TMEM150A: variants seen among roughly 807,000 people sequenced by gnomAD.
TMEM150A encodes fasting-inducible integral membrane protein TM6P1.
In TMEM150A, 18 loss-of-function variants were observed where a neutral mutation model predicts 29.8. The observed-to-expected ratio is 0.60, with a 90% CI of 0.42 to 0.90. The LOEUF (loss-of-function observed/expected upper bound fraction) is 0.90. TMEM150A is among the 40% of genes least tolerant of loss of function. TMEM150A has a pLI of 0.00. For missense variants in TMEM150A, 251 were observed against 349.7 expected (o/e 0.72, Z 2.25); for synonymous variants, 127 against 143.6 (o/e 0.88, Z 0.83).
chr2:85,600,442 G>A (rs750872354), intron 4 of TMEM150A, 30 bp from the exon 5 acceptor site: 12 of 1,608,328 alleles, frequency 7.5e-6, no homozygotes, highest in South Asian at 4.4e-5. Flanking sequence ...CAGAGTAAGA[G>A]GGGTGCAGGA....
rs746391167 is a variant in TMEM150A at position 85,599,747 on chromosome 2, C to A, written c.397-45G>T. On this transcript the variant is annotated intron_variant, in intron 6 of 7. Coordinates refer to ENST00000334462, the MANE Select transcript of TMEM150A (RefSeq NM_001031738.3). The surrounding 1 kb of genome is among the most constrained non-coding windows in gnomAD (Gnocchi z 6.0). The stretch of plus-strand genomic sequence containing the variant: ...AGTTGGTGATGTGGCCATGGCCCCA[C>A]CTCTCCACCCCTCCTTCAATGAATC... The A allele has an allele frequency of 4.4e-6, 7 of 1,594,504 alleles. No individual in the cohort carries two copies. In the Admixed American group the frequency reaches 1.2e-4, roughly 27 times the overall value.
Position 85,601,327 on chromosome 2 carries a change from G to A in TMEM150A, c.113+108C>T. ...ATGCCTGGGGACCAATTTCAGAGAA[G>A]AGCAGTGAGGCTCAGGGTTGCAGTC... On this transcript the variant is annotated intron_variant, in intron 3 of 7. Coordinates refer to ENST00000334462, the MANE Select transcript of TMEM150A (RefSeq NM_001031738.3). The surrounding 1 kb of genome is among the most constrained non-coding windows in gnomAD (Gnocchi z 4.0). 7.1e-7 allele frequency: 1 copy of A among 1,411,486 alleles called. No homozygotes were observed. Among genetic ancestry groups the A allele is most frequent in the South Asian group, 1.2e-5 (1 of 86,662 alleles). 87.4% of individuals were successfully genotyped at this position (1,411,486 alleles called of 1,614,324 possible). A position where few individuals can be genotyped will look rare whatever the true frequency, so the allele number is the denominator to read the frequency against.
Position 85,601,949 on chromosome 2 carries a change from G to A in TMEM150A, c.-1C>T, listed in dbSNP as rs773635666. 2 of 1,614,066 alleles carry A rather than the reference G, an allele frequency of 1.2e-6. No individual in the cohort carries two copies. The highest frequency in any genetic ancestry group is 3.3e-5 in the Admixed American group (2 of 60,024). ...CAGGCAGGAGGATCCAGGCGGTCAT[G>A]AGGGAGGGGAGCCAGGGTGGTGGTG... is the stretch of plus-strand genomic sequence containing the variant. On this transcript the variant is annotated 5_prime_UTR_variant, in exon 2 of 8. Coordinates refer to ENST00000334462, the MANE Select transcript of TMEM150A (RefSeq NM_001031738.3). This position sits in a 1 kb window ranked among gnomAD's most constrained non-coding sequence, Gnocchi z 4.0.
Position 85,599,888 on chromosome 2 carries a change from C to G in TMEM150A, c.396+3G>C, listed in dbSNP as rs1460742318. 4 of 1,613,132 alleles carry G rather than the reference C, an allele frequency of 2.5e-6. No homozygotes were observed. The highest frequency in any genetic ancestry group is 3.4e-6 in the Non-Finnish European group (4 of 1,180,032). ...AAGGTTTGCAGGGGAGAAGGGGAAGCACCTGAAAGTTGCCAACCACCAAGA... is the reference window on the plus strand; with the variant it reads ...AAGGTTTGCAGGGGAGAAGGGGAAGGACCTGAAAGTTGCCAACCACCAAGA... On this transcript the variant is annotated splice_donor_region_variant and intron_variant, in intron 6 of 7. Coordinates refer to ENST00000334462, the MANE Select transcript of TMEM150A (RefSeq NM_001031738.3). The surrounding 1 kb of genome is among the most constrained non-coding windows in gnomAD (Gnocchi z 6.0).
At position 85,602,194 on chromosome 2, in the gene TMEM150A, G is replaced by C. The variant is rs1673010522; in HGVS notation, c.-116-130C>G. ...CAAAGTTTGGGCTGAGCCCACGGCA[G>C]AACGTGAACACCCTCTGGCACTGGG... On this transcript the variant is annotated intron_variant, in intron 1 of 7. Coordinates refer to ENST00000334462, the MANE Select transcript of TMEM150A (RefSeq NM_001031738.3). This position sits in a 1 kb window ranked among gnomAD's most constrained non-coding sequence, Gnocchi z 5.6. 2.1e-6 allele frequency: 1 copy of C among 481,492 alleles called. No homozygotes were observed. The highest frequency in any genetic ancestry group is 3.8e-6 in the Non-Finnish European group (1 of 261,206). The allele number at this position is 481,492 out of a possible 1,614,324, so 29.8% of individuals were successfully genotyped here. A position where few individuals can be genotyped will look rare whatever the true frequency, so the allele number is the denominator to read the frequency against.
rs1672974943 is a variant in TMEM150A at position 85,601,712 on chromosome 2, T to TGTA, written c.65+171_65+172insTAC. Reference sequence around the variant, plus strand: ...AGAAGTATATTTGTCAGGGCCACCCTGCTGGACAGCAGTGGTGCCAGCTTG... The same window carrying TGTA: ...AGAAGTATATTTGTCAGGGCCACCCTGTAGCTGGACAGCAGTGGTGCCAGCTTG... On this transcript the variant is annotated intron_variant, in intron 2 of 7. Coordinates refer to ENST00000334462, the MANE Select transcript of TMEM150A (RefSeq NM_001031738.3). The surrounding 1 kb of genome is among the most constrained non-coding windows in gnomAD (Gnocchi z 4.0). The TGTA allele has an allele frequency of 1.1e-6, 1 of 907,000 alleles. No homozygotes were observed. Among genetic ancestry groups the TGTA allele is most frequent in the African/African-American group, 1.7e-5 (1 of 60,194 alleles). 56.2% of individuals were successfully genotyped at this position (907,000 alleles called of 1,614,324 possible).
At chr2:85,600,461 G>A (rs1672871489) in intron 4 of TMEM150A, 49 bp from the exon 5 acceptor site, 2 of 1,512,304 alleles carry the variant, frequency 1.3e-6, no homozygotes, top group Non-Finnish European at 1.8e-6. Context: ...GAGGCCCGGG[G>A]GGCCCCCATT....
In TMEM150A at chr2:85,599,085, A is replaced by T; in HGVS notation, c.807T>A (p.Ala269=). ...THLNCAPESI[A]MI ...CCACCCTCCCCAGACCTTAGATCAT[A>T]GCGATGCTCTCGGGGGCACAGTTGA... The change falls in exon 8 of 8, where the codon GCT becomes GCA. Residue 269 remains alanine (A), a synonymous_variant. Transcript: ENST00000334462. The surrounding 1 kb of genome is among the most constrained non-coding windows in gnomAD (Gnocchi z 6.0). 1 of 1,613,404 alleles carries T rather than the reference A, an allele frequency of 6.2e-7. No homozygotes were observed. Among genetic ancestry groups the T allele is most frequent in the Non-Finnish European group, 8.5e-7 (1 of 1,179,932 alleles).
Position 85,599,223 on chromosome 2 carries a change from G to A in TMEM150A, c.669C>T (p.Gly223=), listed in dbSNP as rs772165773. 1.2e-5 allele frequency: 20 copies of A among 1,613,872 alleles called. No individual in the cohort carries two copies. In the East Asian group the frequency reaches 4.2e-4, roughly 34 times the overall value. The stretch of plus-strand genomic sequence containing the variant: ...CTGCCCCAAACTCGTAGCTGAAGGT[G>A]CCATAGAAAATGAGGATATCGATGA... ...VCVIDILIFY[G]TFSYEFGAVS... Residue 223 remains glycine, a synonymous_variant, in exon 8 of 8, where the codon GGC becomes GGT. Transcript: ENST00000334462. The surrounding 1 kb of genome is among the most constrained non-coding windows in gnomAD (Gnocchi z 6.0).
Position 85,599,789 on chromosome 2 carries a change from C to T in TMEM150A, c.397-87G>A. ...CAATGAATCTCCTCTCTCCCTCTTC[C>T]TTCCTCTCCCTCTTTCCAGCCCCAA... On this transcript the variant is annotated intron_variant, in intron 6 of 7. Transcript: ENST00000334462. This position sits in a 1 kb window ranked among gnomAD's most constrained non-coding sequence, Gnocchi z 6.0. 1 of 1,599,642 alleles carries T rather than the reference C, an allele frequency of 6.3e-7. No homozygotes were observed. Among genetic ancestry groups the T allele is most frequent in the Non-Finnish European group, 8.5e-7 (1 of 1,171,924 alleles).
rs2104092073 is a variant in TMEM150A at position 85,600,409 on chromosome 2, C to T, written c.204G>A (p.Lys68=). The T allele has an allele frequency of 1.2e-6, 2 of 1,613,990 alleles. No homozygotes were observed. Among genetic ancestry groups the T allele is most frequent in the South Asian group, 1.1e-5 (1 of 91,080 alleles). ...AGCTTTCTGGGGGATAGGAGCCACACTTGCTGCGAGGAGGGGGAAGGACAG... is the reference window on the plus strand; with the variant it reads ...AGCTTTCTGGGGGATAGGAGCCACATTTGCTGCGAGGAGGGGGAAGGACAG... The part of the protein sequence containing the change: ...CTLDDVPLIS[K]CGSYPPESCL... Residue 68 remains lysine, a synonymous_variant, in exon 5 of 8, where the codon AAG becomes AAA. Transcript: ENST00000334462.
chr2:85,600,674 T>C (rs1250209943), intron 4 of TMEM150A: 1 of 553,096 alleles, frequency 1.8e-6, no homozygotes, highest in African/African-American at 1.9e-5. Context: ...TGCGGCTGGT[T>C]TGGCTATCCT....
rs771685048 is a variant in TMEM150A, at chr2:85,599,997, C to T, written c.290G>A (p.Arg97His). ...AFMVALICLL[R>H]YGQLLEQSRH... ...ACTCTGCTCCAGGAGCTGCCCGTAG[C>T]GCAGGAGGCAGATCAGGGCCACTGG... is the stretch of plus-strand genomic sequence containing the variant. Residue 97 changes from arginine (R) to histidine (H), a missense_variant, in exon 6 of 8, where the codon CGC (arginine) becomes CAC (histidine). By Grantham distance (29) the Arg-to-His change is conservative (BLOSUM62 0). Transcript: ENST00000334462. The surrounding 1 kb of genome is among the most constrained non-coding windows in gnomAD (Gnocchi z 6.0). The T allele has an allele frequency of 6.2e-6, 10 of 1,612,874 alleles. No homozygotes were observed. Among genetic ancestry groups the T allele is most frequent in the South Asian group, 1.1e-5 (1 of 91,014 alleles).
intron 5 of TMEM150A, 85 bp from the exon 6 acceptor site, chr2:85,600,103 G>T: frequency 6.4e-7 from 1 of 1,553,930 alleles, no homozygotes; most frequent in Non-Finnish European, 8.7e-7. Context: ...ACGCTGTGGT[G>T]CTCCTGCCCC....
In TMEM150A at chr2:85,600,417, G is replaced by A. The variant is rs1268569225; in HGVS notation, c.201-5C>T. ...GGGGGATAGGAGCCACACTTGCTGC[G>A]AGGAGGGGGAAGGACAGAGTAAGAG... On this transcript the variant is annotated splice_polypyrimidine_tract_variant and splice_region_variant and intron_variant, in intron 4 of 7. Transcript: ENST00000334462. The A allele has an allele frequency of 8.1e-6, 13 of 1,613,916 alleles. No homozygotes were observed. The highest frequency in any genetic ancestry group is 2.7e-5 in the African/African-American group (2 of 75,054).
intron 4 of TMEM150A, 116 bp downstream of exon 4, chr2:85,600,905 T>G: frequency 2.2e-6 from 2 of 897,920 alleles, no homozygotes; most frequent in Admixed American, 2.7e-5. Flanking sequence ...GTAGTGTTGT[T>G]ATTAAGTGGC....
At chr2:85,600,965 G>A in intron 4 of TMEM150A, 56 bp downstream of exon 4, 2 of 1,528,064 alleles carry the variant, frequency 1.3e-6, no homozygotes, top group Non-Finnish European at 1.8e-6. Flanking sequence ...CTTTGCTTGA[G>A]GGGCTGTCTG....
At chr2:85,600,094 C>T (rs549156696) in intron 5 of TMEM150A, 76 bp from the exon 6 acceptor site, 105 of 1,575,784 alleles carry the variant, frequency 6.7e-5, no homozygotes, top group Non-Finnish European at 8.1e-5. Context: ...TTCCCCCAGA[C>T]GCTGTGGTGC....
In TMEM150A at chr2:85,599,797, C is replaced by A; in HGVS notation, c.396+94G>T. The A allele has an allele frequency of 6.2e-7, 1 of 1,602,682 alleles. No homozygotes were observed. Among genetic ancestry groups the A allele is most frequent in the South Asian group, 1.1e-5 (1 of 90,106 alleles). ...CTCCTCTCTCCCTCTTCCTTCCTCT[C>A]CCTCTTTCCAGCCCCAACCTTGAGG... is the stretch of plus-strand genomic sequence containing the variant. On this transcript the variant is annotated intron_variant, in intron 6 of 7. Transcript: ENST00000334462. The surrounding 1 kb of genome is among the most constrained non-coding windows in gnomAD (Gnocchi z 6.0).
Sources: allele counts gnomAD v4.1 joint callset, GRCh38; gene constraint gnomAD v4.1.1; non-coding constraint Gnocchi (gnomAD v3.1); transcripts MANE v1.5; gene names NCBI Gene and HGNC (gene_info 2026-07-23, HGNC 2026-07-21).